STON1: variants seen among roughly 807,000 people sequenced by gnomAD.
STON1 encodes stonin 1, also known as stonin-1.
Under a neutral mutation model 60.9 loss-of-function variants are expected in STON1, and 79 were observed. The observed-to-expected ratio is 1.30, with a 90% confidence interval of 1.08 to 1.56. The LOEUF (loss-of-function observed/expected upper bound fraction) is 1.56. STON1 is among the 40% of genes most tolerant of loss of function. STON1 has a pLI of 0.00. For synonymous variants in STON1, 363 were observed against 306.9 expected (o/e 1.18, Z -1.91); for missense variants, 1,166 against 858.9 (o/e 1.36, Z -4.47).
chr2:48,560,456 C>T (rs769748749), intron 1 of STON1, among the ~76,000 whole-genome samples: 1 of 152,202 alleles, frequency 6.6e-6, no homozygotes, highest in Non-Finnish European at 1.5e-5. Flanking sequence ...GCTCTTTCCA[C>T]TGAAGAGCCC....
rs377638851 is a variant in STON1 at position 48,566,988 on chromosome 2, G to A, written c.-47-13599G>A. Among the ~76,000 whole-genome samples, 50 of 152,120 alleles carry A rather than the reference G, an allele frequency of 3.3e-4. 1 individual carries two copies. In the South Asian group the frequency reaches 0.01, roughly 32 times the overall value. On this transcript the variant is annotated intron_variant, in intron 1 of 3. Transcript: ENST00000404752. ...CTATGTCACTATTCTCTAAATTTAG[G>A]AAATGAACAGATTATTAGAACAAGG... is the stretch of plus-strand genomic sequence containing the variant.
At chr2:48,560,982 C>G (rs1286768673) in intron 1 of STON1, among the ~76,000 whole-genome samples, 1 of 152,236 alleles carries the variant, frequency 6.6e-6, no homozygotes, top group African/African-American at 2.4e-5. Flanking sequence ...GCTCCTCCAC[C>G]TCCTGGTTTC....
At chr2:48,564,405 G>GTCCTTCT (rs1553359255) in intron 1 of STON1, among the ~76,000 whole-genome samples, 1 of 82,940 alleles carries the variant, frequency 1.2e-5, no homozygotes, top group African/African-American at 4.6e-5. Context: ...CAGTGGCGGT[G>GTCCTTCT]TCTTCTTCTT....
intron 3 of STON1, among the ~76,000 whole-genome samples, chr2:48,592,595 C>CTAT (rs3047606): frequency 0.17 from 22,777 of 136,346 alleles, 2,041 homozygotes; most frequent in East Asian, 0.27. Flanking sequence ...CCACACCCAG[C>CTAT]TATTATTATT....
rs368805688 is a variant in STON1 at position 48,581,385 on chromosome 2, A to C, written c.752A>C (p.His251Pro). The change falls in exon 2 of 4, where the codon CAC (histidine) becomes CCC (proline). Residue 251 changes from histidine to proline, a missense_variant. His to Pro is a moderately conservative substitution (Grantham distance 77). Coordinates refer to ENST00000404752, the MANE Select transcript of STON1 (RefSeq NM_006873.4). ...NQDSLRSLSMHCLCAEENASS... is the reference protein window; with the variant it reads ...NQDSLRSLSMPCLCAEENASS... ...GACTCACTTAGAAGTTTGTCTATGC[A>C]CTGTCTATGTGCTGAAGAAAATGCC... The C allele has an allele frequency of 3.1e-6, 5 of 1,597,358 alleles. No homozygotes were observed. The highest frequency in any genetic ancestry group is 4.3e-6 in the Non-Finnish European group (5 of 1,171,352).
intron 2 of STON1, among the ~76,000 whole-genome samples, chr2:48,591,244 AT>A (rs1674495081): frequency 6.7e-6 from 1 of 149,716 alleles, no homozygotes; most frequent in African/African-American, 2.4e-5. Flanking sequence ...TTAGCAAATT[AT>A]ATTAGTATAA....
rs1674782947 is a variant in STON1 at position 48,596,409 on chromosome 2, T to C, written c.*1107T>C. On this transcript the variant is annotated 3_prime_UTR_variant, in exon 4 of 4. Transcript: ENST00000404752. ...ATGAAAAGTCAATAGCATTAGCAGT[T>C]ATAATTCTGTTTATAATTTCCTTTC... 6.6e-6 allele frequency: 1 copy of C among 152,234 alleles called. No individual in the cohort carries two copies. The highest frequency in any genetic ancestry group is 1.5e-5 in the Non-Finnish European group (1 of 68,034). The allele number at this position is 152,234 out of a possible 1,614,324, so 9.4% of individuals were successfully genotyped here. A position where few individuals can be genotyped will look rare whatever the true frequency, so the allele number is the denominator to read the frequency against.
At chr2:48,554,248 G>C (rs1553357027) in intron 1 of STON1, among the ~76,000 whole-genome samples, 1 of 152,068 alleles carries the variant, frequency 6.6e-6, no homozygotes, top group African/African-American at 2.4e-5. Context: ...TTGAGACAGA[G>C]TCTCTCTTTG....
chr2:48,576,371 G>A (rs1177828689), intron 1 of STON1, among the ~76,000 whole-genome samples: 1 of 151,200 alleles, frequency 6.6e-6, no homozygotes, highest in Non-Finnish European at 1.5e-5. Flanking sequence ...TGTATTTTTA[G>A]TAGAGATGAG....
At chr2:48,564,736 T>C (rs1218252182) in intron 1 of STON1, among the ~76,000 whole-genome samples, 1 of 141,158 alleles carries the variant, frequency 7.1e-6, no homozygotes, top group Non-Finnish European at 1.5e-5. Flanking sequence ...TTTCTTTCTT[T>C]TTTTTTTTTT....
At chr2:48,540,260 C>T (rs1343622674) in intron 1 of STON1, among the ~76,000 whole-genome samples, 1 of 152,152 alleles carries the variant, frequency 6.6e-6, no homozygotes, top group Non-Finnish European at 1.5e-5. Context: ...TCCATGGTTC[C>T]TGGCTCATAA....
At chr2:48,539,030 G>T (rs1371361191) in intron 1 of STON1, among the ~76,000 whole-genome samples, 1 of 151,948 alleles carries the variant, frequency 6.6e-6, no homozygotes, top group African/African-American at 2.4e-5. Flanking sequence ...CTATCCTCTT[G>T]CCTCAGCCTC....
At chr2:48,572,029 G>C (rs189019278) in intron 1 of STON1, among the ~76,000 whole-genome samples, 28 of 152,266 alleles carry the variant, frequency 1.8e-4, no homozygotes, top group African/African-American at 5.5e-4. Flanking sequence ...CTGGCATGGT[G>C]GTGGGCGCCT....
intron 2 of STON1, 57 bp downstream of exon 2, chr2:48,582,620 C>T (rs1673960301): frequency 1.3e-6 from 2 of 1,553,792 alleles, no homozygotes; most frequent in Admixed American, 3.8e-5. Flanking sequence ...ATATTCTTAC[C>T]TTCCTCCTTG....
chr2:48,580,564 T>C, intron 1 of STON1, 23 bp from the exon 2 acceptor site: 3 of 1,323,414 alleles, frequency 2.3e-6, no homozygotes, highest in South Asian at 3.0e-5. Flanking sequence ...ACCTATTTTC[T>C]CTTTATTTTA....
intron 1 of STON1, among the ~76,000 whole-genome samples, chr2:48,535,386 G>C (rs1043641635): frequency 3.9e-5 from 6 of 152,146 alleles, no homozygotes; most frequent in Admixed American, 6.5e-5. Flanking sequence ...ATTCTGGGGA[G>C]AGCTCTGGGA....
chr2:48,564,664 A>G lies in STON1; in HGVS notation c.-47-15923A>G, dbSNP rs545134718. ...CTTCTCCTTCTTCTTCTTCTTTCTT[A>G]TTTCTTCTTCTTCTTCTTCCTTCTT... is the stretch of plus-strand genomic sequence containing the variant. On this transcript the variant is annotated intron_variant, in intron 1 of 3. Transcript: ENST00000404752. Among the ~76,000 whole-genome samples the G allele has an allele frequency of 3.9e-5, 2 of 51,214 alleles. 1 individual carries two copies. Among genetic ancestry groups the G allele is most frequent in the Non-Finnish European group, 8.4e-5 (2 of 23,906 alleles). The allele number at this position is 51,214 out of a possible 152,430, so 33.6% of individuals were successfully genotyped here.
At chr2:48,582,908 T>G (rs1673982198) in intron 2 of STON1, among the ~76,000 whole-genome samples, 1 of 152,256 alleles carries the variant, frequency 6.6e-6, no homozygotes, top group South Asian at 2.1e-4. Context: ...CTAATATAGC[T>G]GAGATTCCCT....
Position 48,560,379 on chromosome 2 carries a change from G to A in STON1, c.-47-20208G>A, listed in dbSNP as rs80227678. Among the ~76,000 whole-genome samples, 604 of 152,304 alleles carry A rather than the reference G, an allele frequency of 4.0e-3. 6 individuals carry two copies. Among genetic ancestry groups the A allele is most frequent in the African/African-American group, 0.014 (576 of 41,564 alleles). On this transcript the variant is annotated intron_variant, in intron 1 of 3. Coordinates refer to ENST00000404752, the MANE Select transcript of STON1 (RefSeq NM_006873.4). ...CACCATCTAGTGACCACAGGGTCCTGCACCCCAGCCCAAACCTGGGGACCC... is the reference window on the plus strand; with the variant it reads ...CACCATCTAGTGACCACAGGGTCCTACACCCCAGCCCAAACCTGGGGACCC...
Sources: allele counts gnomAD v4.1 joint callset (sites outside exome capture counted in the v4.1 genomes callset), GRCh38; gene constraint gnomAD v4.1.1; transcripts MANE v1.5; gene names NCBI Gene and HGNC (gene_info 2026-07-23, HGNC 2026-07-21).